The following LARGE1 variants were observed in gnomAD, a reference collection of about 807,000 sequenced individuals.
LARGE1 encodes xylosyl- and glucuronyltransferase LARGE1.
LARGE1 carries 43 observed loss-of-function variants against 87.6 expected under a neutral mutation model. The observed-to-expected ratio is 0.49, with a 90% CI of 0.38 to 0.63. The LOEUF (loss-of-function observed/expected upper bound fraction) is 0.63. LARGE1 is among the 30% of genes least tolerant of loss of function. The pLI is 0.00. For missense variants in LARGE1, 802 were observed against 1,000.2 expected, an observed-to-expected ratio of 0.80 and a Z score of 2.67; for synonymous variants, 434 against 394.6, an observed-to-expected ratio of 1.10 and a Z score of -1.18.
intron 3 of LARGE1, among the ~76,000 whole-genome samples, chr22:33,640,504 G>C (rs187339279): frequency 6.6e-5 from 10 of 152,052 alleles, no homozygotes; most frequent in Admixed American, 6.5e-4. Flanking sequence ...AAGTCAACAT[G>C]GCAGTTCAGG....
chr22:33,710,537 G>T (rs540684959), intron 2 of LARGE1, among the ~76,000 whole-genome samples: 9 of 152,340 alleles, frequency 5.9e-5, no homozygotes, highest in African/African-American at 2.2e-4. Flanking sequence ...GAATGGAAAT[G>T]ACAGCAGCAG....
chr22:33,644,543 T>A (rs1411962300), intron 3 of LARGE1, among the ~76,000 whole-genome samples: 1 of 152,160 alleles, frequency 6.6e-6, no homozygotes, highest in African/African-American at 2.4e-5. Context: ...TTTAACATAG[T>A]GTTGGAAGTT....
chr22:33,524,639 T>G (rs1174933897), intron 6 of LARGE1, among the ~76,000 whole-genome samples: 1 of 152,114 alleles, frequency 6.6e-6, no homozygotes, highest in East Asian at 1.9e-4. Context: ...TAAGCCCTCT[T>G]TTCCCACTCC....
chr22:33,361,868 T>G (rs2064401563), intron 9 of LARGE1, among the ~76,000 whole-genome samples: 1 of 148,972 alleles, frequency 6.7e-6, no homozygotes, highest in Non-Finnish European at 1.5e-5. Context: ...TAGAGACTTT[T>G]CTGAGAGCAG....
chr22:33,275,880 C>T (rs1031659528), intron 14 of LARGE1, among the ~76,000 whole-genome samples: 1 of 152,220 alleles, frequency 6.6e-6, no homozygotes, highest in Non-Finnish European at 1.5e-5. Context: ...GAAGCTGAGG[C>T]TGACTGAACA....
chr22:33,477,840 T>C (rs2069145318), intron 6 of LARGE1, among the ~76,000 whole-genome samples: 1 of 152,186 alleles, frequency 6.6e-6, no homozygotes, highest in African/African-American at 2.4e-5. Context: ...GCCCAAGTGC[T>C]TGGATAAAGG....
chr22:33,176,884 A>T (rs1377965618), intron 11 of LARGE1, among the ~76,000 whole-genome samples: 3 of 152,238 alleles, frequency 2.0e-5, no homozygotes, highest in Non-Finnish European at 1.5e-5. Flanking sequence ...ACTGTTCACA[A>T]TAGCAAAAAC....
At position 33,592,690 on chromosome 22, in the gene LARGE1, C is replaced by T. The variant is rs554922412; in HGVS notation, c.615+11745G>A. On this transcript the variant is annotated intron_variant, in intron 5 of 14. Coordinates refer to ENST00000397394, the MANE Select transcript of LARGE1 (RefSeq NM_133642.5). ...ATATCACTCTATGTGTAACTCTGTACACACTGTCTGCCCCTTTATAACAAT... is the reference window on the plus strand; with the variant it reads ...ATATCACTCTATGTGTAACTCTGTATACACTGTCTGCCCCTTTATAACAAT... Among the ~76,000 whole-genome samples, 72 of 148,154 alleles carry T rather than the reference C, an allele frequency of 4.9e-4. No individual in the cohort carries two copies. The East Asian group carries it at 5.6e-3, about 11-fold the overall frequency.
chr22:33,400,276 A>G (rs1055357706), intron 7 of LARGE1, among the ~76,000 whole-genome samples: 3 of 152,226 alleles, frequency 2.0e-5, no homozygotes, highest in Non-Finnish European at 4.4e-5. Context: ...GGAACAATAT[A>G]CTGAGTAGTA....
chr22:33,629,506 C>T (rs1317054788), intron 3 of LARGE1, among the ~76,000 whole-genome samples: 7 of 152,164 alleles, frequency 4.6e-5, no homozygotes. Context: ...CAGCAGGGCC[C>T]TGCTCCCTGG....
At chr22:33,224,775 G>C (rs1925647501) in intron 11 of LARGE1, among the ~76,000 whole-genome samples, 1 of 152,212 alleles carries the variant, frequency 6.6e-6, no homozygotes, top group African/African-American at 2.4e-5. Context: ...AAAGATGCTG[G>C]TGTCTAGAAG....
intron 1 of LARGE1, among the ~76,000 whole-genome samples, chr22:33,807,509 A>G (rs5749667): frequency 0.43 from 64,859 of 151,986 alleles, 13,998 homozygotes; most frequent in East Asian, 0.58. Flanking sequence ...ACAACTGGTG[A>G]GCCTACATTG....
At chr22:33,249,244 G>C (rs1160296598) in intron 11 of LARGE1, among the ~76,000 whole-genome samples, 1 of 152,180 alleles carries the variant, frequency 6.6e-6, no homozygotes, top group African/African-American at 2.4e-5. Flanking sequence ...TCTAATAGCT[G>C]TGTAGTGGCA....
At chr22:33,216,140 G>A (rs116907235) in intron 11 of LARGE1, among the ~76,000 whole-genome samples, 4 of 152,020 alleles carry the variant, frequency 2.6e-5, no homozygotes, top group East Asian at 1.9e-4. Flanking sequence ...GCTCTGTCAC[G>A]TGCTAAATGT....
At chr22:33,312,784 G>T (rs148859926) in intron 11 of LARGE1, among the ~76,000 whole-genome samples, 334 of 152,320 alleles carry the variant, frequency 2.2e-3, no homozygotes, top group African/African-American at 7.9e-3. Flanking sequence ...AGATGCAGTT[G>T]AAAGAGACCA....
intron 6 of LARGE1, among the ~76,000 whole-genome samples, chr22:33,450,590 A>G (rs9609801): frequency 0.33 from 50,325 of 151,326 alleles, 9,068 homozygotes; most frequent in African/African-American, 0.46. Flanking sequence ...CTGGGCAACA[A>G]AGCAAGATTC....
At chr22:33,298,749 T>C (rs1051173265) in intron 12 of LARGE1, among the ~76,000 whole-genome samples, 1 of 152,160 alleles carries the variant, frequency 6.6e-6, no homozygotes, top group Non-Finnish European at 1.5e-5. Context: ...GAAGATTGCT[T>C]GAGCCCAGGA....
chr22:33,671,468 A>G (rs2081410560), intron 2 of LARGE1, among the ~76,000 whole-genome samples: 1 of 152,256 alleles, frequency 6.6e-6, no homozygotes, highest in African/African-American at 2.4e-5. Flanking sequence ...ATACTCTACA[A>G]TTAGTCAATC....
chr22:33,482,769 G>T (rs2069385407), intron 6 of LARGE1, among the ~76,000 whole-genome samples: 1 of 152,076 alleles, frequency 6.6e-6, no homozygotes, highest in African/African-American at 2.4e-5. Flanking sequence ...AATGTACAAT[G>T]AAATTATTAT....
Sources: allele counts gnomAD v4.1 joint callset (sites outside exome capture counted in the v4.1 genomes callset), GRCh38; gene constraint gnomAD v4.1.1; transcripts MANE v1.5; gene names NCBI Gene and HGNC (gene_info 2026-07-23, HGNC 2026-07-21).